Variants in DMGDH observed in about 807,000 individuals in gnomAD.
The protein encoded by DMGDH is dimethylglycine dehydrogenase, mitochondrial.
Under a neutral mutation model 95.2 loss-of-function variants are expected in DMGDH, and 76 were observed. That is an observed-to-expected ratio of 0.80 (90% CI 0.66 to 0.97). The LOEUF (loss-of-function observed/expected upper bound fraction) is 0.97. Ranked by LOEUF, DMGDH falls within the 50% of genes least tolerant of loss-of-function variation. The probability of loss-of-function intolerance (pLI) is 0.00; values close to 1 mark genes in which losing one functional copy is unlikely to be tolerated. For synonymous variants in DMGDH, 345 were observed against 377.6 expected (o/e 0.91, Z 1.00); for missense variants, 987 against 1,055.0 (o/e 0.94, Z 0.89).
At chr5:79,037,372 A>G (rs1200304898) in intron 7 of DMGDH, among the ~76,000 whole-genome samples, 1 of 152,220 alleles carries the variant, frequency 6.6e-6, no homozygotes, top group African/African-American at 2.4e-5. Flanking sequence ...AGGTATGGGA[A>G]CCACTGGCCT....
chr5:79,007,498 T>C (rs1380766314), intron 14 of DMGDH, among the ~76,000 whole-genome samples: 1 of 152,164 alleles, frequency 6.6e-6, no homozygotes, highest in Non-Finnish European at 1.5e-5. Context: ...CAACATTTTT[T>C]TTTTGCTATC....
intron 9 of DMGDH, 130 bp from the exon 10 acceptor site, chr5:79,031,128 C>T (rs190904010): frequency 8.0e-5 from 71 of 882,308 alleles, no homozygotes; most frequent in Admixed American, 3.9e-4. Flanking sequence ...CTATGGGAGG[C>T]GAGACCATGC....
intron 10 of DMGDH, 166 bp downstream of exon 10, chr5:79,030,654 AAAAAAAAAAAAAG>A: frequency 4.6e-6 from 3 of 649,492 alleles, no homozygotes; most frequent in African/African-American, 1.9e-5. Context: ...TCTCAAAAAA[AAAAAAAAAAAAAG>A]AAAAGAAAAA....
chr5:79,057,414 C>T (rs1256422543), intron 2 of DMGDH, among the ~76,000 whole-genome samples: 1 of 152,148 alleles, frequency 6.6e-6, no homozygotes. Flanking sequence ...ATTTCATCCT[C>T]CTGCACTCAA....
chr5:79,026,887 G>A (rs962438095), intron 12 of DMGDH, among the ~76,000 whole-genome samples: 6 of 152,190 alleles, frequency 3.9e-5, no homozygotes, highest in African/African-American at 1.4e-4. Context: ...GCTTTCTAAT[G>A]AGGCTTGACT....
At chr5:79,041,885 A>T (rs562213508) in intron 7 of DMGDH, among the ~76,000 whole-genome samples, 3 of 152,160 alleles carry the variant, frequency 2.0e-5, no homozygotes, top group Non-Finnish European at 4.4e-5. Context: ...CTATAATCCC[A>T]GCTACTGAGG....
At chr5:79,007,297 T>C (rs1753567291) in intron 14 of DMGDH, among the ~76,000 whole-genome samples, 1 of 152,222 alleles carries the variant, frequency 6.6e-6, no homozygotes, top group African/African-American at 2.4e-5. Context: ...TGGATTTTTT[T>C]CAACTAAACA....
chr5:79,017,627 T>C (rs1278523195), intron 14 of DMGDH, among the ~76,000 whole-genome samples: 7 of 152,212 alleles, frequency 4.6e-5, no homozygotes, highest in Non-Finnish European at 1.0e-4. Flanking sequence ...TACACTTTCA[T>C]TTTATTCAGT....
intron 15 of DMGDH, 134 bp from the exon 16 acceptor site, chr5:78,998,431 A>G: frequency 1.3e-6 from 1 of 771,224 alleles, no homozygotes; most frequent in Non-Finnish European, 2.2e-6. Flanking sequence ...TGGGGGGACA[A>G]CGCCAGAGAC....
At chr5:79,030,667 G>GAA (rs1293863373) in intron 10 of DMGDH, 166 bp downstream of exon 10, 1 of 504,488 alleles carries the variant, frequency 2.0e-6, no homozygotes, top group East Asian at 3.7e-5. Context: ...AAAAAAAAAA[G>GAA]AAAAGAAAAA....
chr5:79,055,008 A>C (rs1754981610), intron 3 of DMGDH, among the ~76,000 whole-genome samples: 1 of 152,200 alleles, frequency 6.6e-6, no homozygotes, highest in Non-Finnish European at 1.5e-5. Context: ...AGGCAGGAAA[A>C]GTCAAGGAAG....
intron 15 of DMGDH, among the ~76,000 whole-genome samples, chr5:79,003,969 A>AATAC (rs201738838): frequency 6.6e-6 from 1 of 150,944 alleles, no homozygotes; most frequent in African/African-American, 2.5e-5. Context: ...TAAATAAATA[A>AATAC]AAATAAAATA....
chr5:79,002,667 T>C (rs1753473226), intron 15 of DMGDH, among the ~76,000 whole-genome samples: 1 of 151,964 alleles, frequency 6.6e-6, no homozygotes, highest in Non-Finnish European at 1.5e-5. Flanking sequence ...TTGTACCCTA[T>C]CTCCAGCATT....
chr5:79,000,336 TAAG>T (rs1252889935), intron 15 of DMGDH: 2 of 667,830 alleles, frequency 3.0e-6, no homozygotes, highest in Admixed American at 1.8e-5. Flanking sequence ...CACAATCCTG[TAAG>T]AAGGTCTGTT....
chr5:79,010,773 G>A (rs1753635757), intron 14 of DMGDH, among the ~76,000 whole-genome samples: 1 of 152,182 alleles, frequency 6.6e-6, no homozygotes, highest in Admixed American at 6.5e-5. Flanking sequence ...CTCTGTCCCA[G>A]TAAAGCTTCC....
intron 15 of DMGDH, among the ~76,000 whole-genome samples, chr5:78,998,979 G>A (rs1295812330): frequency 1.3e-5 from 2 of 152,132 alleles, no homozygotes; most frequent in Admixed American, 1.3e-4. Flanking sequence ...AACATTACAT[G>A]GAACAAAAAT....
intron 4 of DMGDH, 69 bp from the exon 5 acceptor site, chr5:79,051,560 G>T: frequency 7.1e-7 from 1 of 1,400,778 alleles, no homozygotes; most frequent in Non-Finnish European, 9.9e-7. Flanking sequence ...AATATATCCT[G>T]CTAGTAAACG....
intron 2 of DMGDH, among the ~76,000 whole-genome samples, chr5:79,061,060 A>G (rs1178823109): frequency 6.6e-6 from 1 of 152,048 alleles, no homozygotes; most frequent in African/African-American, 2.4e-5. Context: ...CATCTCTACA[A>G]AAAACTTTAA....
chr5:79,034,637 C>T (rs1329815416), intron 7 of DMGDH, among the ~76,000 whole-genome samples: 2 of 152,230 alleles, frequency 1.3e-5, no homozygotes, highest in Non-Finnish European at 2.9e-5. Context: ...ACAACAACAA[C>T]TTAGCCAGAA....
Sources: allele counts gnomAD v4.1 joint callset (sites outside exome capture counted in the v4.1 genomes callset), GRCh38; gene constraint gnomAD v4.1.1; transcripts MANE v1.5; gene names NCBI Gene and HGNC (gene_info 2026-07-23, HGNC 2026-07-21).